The following NOTCH2 variants were observed in gnomAD, a reference collection of about 807,000 sequenced individuals.
NOTCH2 encodes notch receptor 2.
Under a neutral mutation model 235.8 loss-of-function variants are expected in NOTCH2, and 29 were observed. The observed-to-expected ratio is 0.12, with a 90% CI of 0.09 to 0.17. The LOEUF is 0.17. NOTCH2 is among the 10% of genes least tolerant of loss of function. NOTCH2 has a pLI of 1.00. For synonymous variants in NOTCH2, 1,086 were observed against 1,141.5 expected (o/e 0.95, Z 0.98); for missense variants, 2,285 against 3,150.2 (o/e 0.73, Z 6.57).
chr1:119,922,962 T>C (rs1037225344), intron 26 of NOTCH2, among the ~76,000 whole-genome samples, 184 bp from the exon 27 acceptor site: 1 of 152,192 alleles, frequency 6.6e-6, no homozygotes, highest in Non-Finnish European at 1.5e-5. Flanking sequence ...TCCCTTGAGA[T>C]CTTAAACACT....
intron 22 of NOTCH2, among the ~76,000 whole-genome samples, chr1:119,932,228 A>G (rs1322773225): frequency 1.3e-5 from 2 of 152,148 alleles, no homozygotes; most frequent in Non-Finnish European, 2.9e-5. Context: ...TGAAATATCT[A>G]TCATGATGGC....
chr1:119,950,862 A>T (rs1553197724), intron 14 of NOTCH2, 25 bp from the exon 15 acceptor site: 2 of 1,422,362 alleles, frequency 1.4e-6, no homozygotes, highest in Admixed American at 3.3e-5. Context: ...AAAAAACCAA[A>T]AACAGTAAAA....
intron 5 of NOTCH2, among the ~76,000 whole-genome samples, chr1:119,983,013 A>C (rs1354642132): frequency 1.3e-5 from 2 of 152,182 alleles, no homozygotes; most frequent in Non-Finnish European, 2.9e-5. Flanking sequence ...ACTGAAATAT[A>C]ATGAGAGTAA....
At chr1:119,918,381 C>A (rs1350946628) in intron 32 of NOTCH2, 25 bp downstream of exon 32, 1 of 1,613,300 alleles carries the variant, frequency 6.2e-7, no homozygotes, top group Non-Finnish European at 8.5e-7. Flanking sequence ...AGGTAAGAAT[C>A]CAAATCCCTG....
intron 5 of NOTCH2, among the ~76,000 whole-genome samples, chr1:119,975,252 C>T (rs1437916079): frequency 6.6e-6 from 1 of 152,116 alleles, no homozygotes; most frequent in Non-Finnish European, 1.5e-5. Flanking sequence ...CCACCATTAG[C>T]AAAGGAAGTA....
chr1:119,916,959 T>G (rs1649102643), intron 33 of NOTCH2, among the ~76,000 whole-genome samples: 1 of 152,106 alleles, frequency 6.6e-6, no homozygotes, highest in Non-Finnish European at 1.5e-5. Context: ...TAGTTGGGAA[T>G]TCATAAAATA....
chr1:119,966,517 T>TTAAA (rs1479065403), intron 8 of NOTCH2, 28 bp from the exon 9 acceptor site: 1 of 1,519,172 alleles, frequency 6.6e-7, no homozygotes, highest in Non-Finnish European at 9.1e-7. Flanking sequence ...CACAAGTGGC[T>TTAAA]TAAAGAGAGA....
Position 119,923,754 on chromosome 1 carries a change from C to T in NOTCH2, c.4742G>A (p.Arg1581Gln), listed in dbSNP as rs758032472. 7.4e-6 allele frequency: 12 copies of T among 1,614,140 alleles called. No homozygotes were observed. Among genetic ancestry groups the T allele is most frequent in the Admixed American group, 6.7e-5 (4 of 60,028 alleles). Residue 1581 changes from arginine to glutamine, a missense_variant, in exon 26 of 34, where the codon CGG (arginine) becomes CAG (glutamine). Arg to Gln is a conservative substitution (Grantham distance 43, BLOSUM62 1). Transcript: ENST00000256646. Reference sequence around the variant, plus strand: ...CACCATGAGTTCCCCCTGGGAGTCCCGCTTAATGCGCAGGTTGGTGTGGAG... The same window carrying T: ...CACCATGAGTTCCCCCTGGGAGTCCTGCTTAATGCGCAGGTTGGTGTGGAG... ...TLLHTNLRIKRDSQGELMVYP... is the reference protein window; with the variant it reads ...TLLHTNLRIKQDSQGELMVYP...
intron 5 of NOTCH2, among the ~76,000 whole-genome samples, chr1:119,986,478 T>C (rs1402728130): frequency 1.3e-5 from 2 of 152,154 alleles, no homozygotes; most frequent in Admixed American, 1.3e-4. Flanking sequence ...AATAATGTCA[T>C]TAAGAGTACC....
intron 1 of NOTCH2, among the ~76,000 whole-genome samples, chr1:120,039,179 G>C (rs1358410529): frequency 1.3e-5 from 2 of 152,098 alleles, no homozygotes; most frequent in Non-Finnish European, 2.9e-5. Context: ...AAACCCAACA[G>C]AGAGGAAGAA....
chr1:120,048,405 G>A (rs1332737454), intron 1 of NOTCH2, among the ~76,000 whole-genome samples: 1 of 133,430 alleles, frequency 7.5e-6, no homozygotes, highest in Admixed American at 7.2e-5. Flanking sequence ...AAAGCATGCA[G>A]TAAAGAATGT....
rs149599753 is a variant in NOTCH2 at position 119,997,256 on chromosome 1, G to T, written c.492C>A (p.Asn164Lys). The T allele has an allele frequency of 5.5e-5, 88 of 1,613,964 alleles. No homozygotes were observed. The African/African-American group carries it at 1.1e-3, about 21-fold the overall frequency. The change falls in exon 4 of 34, where the codon AAC becomes AAA. Residue 164 changes from asparagine (N) to lysine (K), a missense_variant. Transcript: ENST00000256646. ...CTGTGAGGCATTTGCAGGAGAACTG[G>T]TTGGCCACAGTGGTACAGGTACTTC... ...ANGSTCTTVA[N>K]QFSCKCLTGF...
At chr1:120,024,851 ATAATTGCAGAG>A (rs1262136418) in intron 2 of NOTCH2, among the ~76,000 whole-genome samples, 2 of 151,524 alleles carry the variant, frequency 1.3e-5, no homozygotes, top group Non-Finnish European at 2.9e-5. Flanking sequence ...ATCATTAAAA[ATAATTGCAGAG>A]TAACTTATAT....
At chr1:120,014,043 G>A (rs1274306631) in intron 2 of NOTCH2, among the ~76,000 whole-genome samples, 2 of 146,410 alleles carry the variant, frequency 1.4e-5, no homozygotes, top group Non-Finnish European at 3.0e-5. Flanking sequence ...CTATATGAAT[G>A]TTTTCCTCCT....
chr1:120,004,788 T>G, intron 3 of NOTCH2, among the ~76,000 whole-genome samples: 1 of 152,180 alleles, frequency 6.6e-6, no homozygotes, highest in Non-Finnish European at 1.5e-5. Flanking sequence ...ATATTTTTTT[T>G]TTGAGACAGG....
chr1:120,045,975 G>A (rs1294661339), intron 1 of NOTCH2, among the ~76,000 whole-genome samples: 1 of 152,218 alleles, frequency 6.6e-6, no homozygotes, highest in Non-Finnish European at 1.5e-5. Flanking sequence ...GCTTTACTTA[G>A]AGTTAACATA....
rs587738270 is a variant in NOTCH2, at chr1:119,928,888, T to C, written c.3892+88A>G. 8.1e-6 allele frequency: 9 copies of C among 1,106,680 alleles called. No individual in the cohort carries two copies. The South Asian group carries it at 1.1e-4, about 14-fold the overall frequency. 68.6% of individuals were successfully genotyped at this position (1,106,680 alleles called of 1,614,324 possible). On this transcript the variant is annotated intron_variant, in intron 23 of 33. Transcript: ENST00000256646. The stretch of plus-strand genomic sequence containing the variant: ...TTTTCTTATATAAGAAAAGCTTCAC[T>C]TGGGTCTGGGACAACTCACAGGGCC...
intron 32 of NOTCH2, 117 bp from the exon 33 acceptor site, chr1:119,917,879 G>A (rs1649142224): frequency 6.7e-6 from 5 of 743,402 alleles, no homozygotes; most frequent in Admixed American, 2.0e-5. Context: ...GTTCTCTGTA[G>A]GGGTCTATAG....
chr1:119,974,676 G>T (rs1243039426), intron 5 of NOTCH2, among the ~76,000 whole-genome samples: 1 of 152,156 alleles, frequency 6.6e-6, no homozygotes. Flanking sequence ...TGCATAAGCT[G>T]CTCTGTCCAC....
Sources: gnomAD v4.1 joint callset for allele counts (sites outside exome capture counted in the v4.1 genomes callset) on GRCh38, gnomAD v4.1.1 for gene constraint, MANE v1.5 for transcripts, NCBI Gene and HGNC (gene_info 2026-07-23, HGNC 2026-07-21) for gene names.